TRPM3: variants seen among roughly 807,000 people sequenced by gnomAD.
TRPM3 encodes long transient receptor potential channel 3.
In TRPM3, 77 loss-of-function variants were observed where a neutral mutation model predicts 181.2. The ratio of observed to expected loss-of-function variants is 0.42; its 90% CI spans 0.35 to 0.51. The LOEUF is 0.51. Ranked by LOEUF, TRPM3 falls within the 20% of genes least tolerant of loss-of-function variation. TRPM3 has a pLI of 0.01. For synonymous variants in TRPM3, 745 were observed against 796.4 expected (o/e 0.94, Z 1.09); for missense variants, 1,759 against 2,196.7 (o/e 0.80, Z 3.98).
At chr9:70,821,473 C>T (rs1588841809) in intron 6 of TRPM3, among the ~76,000 whole-genome samples, 1 of 152,138 alleles carries the variant, frequency 6.6e-6, no homozygotes. Context: ...GGAGTAGTCC[C>T]TTGGTATCCA....
At chr9:71,273,542 G>T (rs1370002965) in intron 1 of TRPM3, among the ~76,000 whole-genome samples, 1 of 152,082 alleles carries the variant, frequency 6.6e-6, no homozygotes. Flanking sequence ...ATTTTTCCTT[G>T]TTAAGGTTGT....
At chr9:71,362,403 A>G (rs2092186498) in intron 1 of TRPM3, among the ~76,000 whole-genome samples, 1 of 152,152 alleles carries the variant, frequency 6.6e-6, no homozygotes, top group Non-Finnish European at 1.5e-5. Flanking sequence ...GAATAGCAAG[A>G]AGGGTGTTGG....
At chr9:71,043,245 A>C (rs747765747) in intron 1 of TRPM3, among the ~76,000 whole-genome samples, 5 of 151,938 alleles carry the variant, frequency 3.3e-5, no homozygotes, top group Non-Finnish European at 7.4e-5. Context: ...CTATATTCCA[A>C]CTCTGGTAGT....
At chr9:71,028,942 A>G (rs1318709232) in intron 1 of TRPM3, among the ~76,000 whole-genome samples, 1 of 152,228 alleles carries the variant, frequency 6.6e-6, no homozygotes, top group South Asian at 2.1e-4. Context: ...ATAGACACCT[A>G]CAGAACTCTC....
intron 1 of TRPM3, among the ~76,000 whole-genome samples, chr9:71,044,632 G>A (rs2059211309): frequency 6.6e-6 from 1 of 152,142 alleles, no homozygotes; most frequent in African/African-American, 2.4e-5. Flanking sequence ...CATTTAAGAT[G>A]ATCTATTATC....
chr9:71,407,476 T>C (rs2093459584), intron 1 of TRPM3, among the ~76,000 whole-genome samples: 2 of 152,240 alleles, frequency 1.3e-5, no homozygotes, highest in African/African-American at 2.4e-5. Flanking sequence ...TGCTCACTGC[T>C]AGCACAGCAG....
intron 1 of TRPM3, among the ~76,000 whole-genome samples, chr9:70,871,768 G>A (rs1272551640): frequency 6.6e-6 from 1 of 152,020 alleles, no homozygotes; most frequent in Non-Finnish European, 1.5e-5. Flanking sequence ...TAGAGTGAAT[G>A]TAATTTGAAT....
intron 1 of TRPM3, among the ~76,000 whole-genome samples, chr9:70,980,271 C>A (rs1184380203): frequency 6.6e-6 from 1 of 151,778 alleles, no homozygotes; most frequent in Non-Finnish European, 1.5e-5. Context: ...ATTGGGATTT[C>A]CAGAGATCTT....
At chr9:70,938,102 C>T (rs1244051013) in intron 1 of TRPM3, among the ~76,000 whole-genome samples, 1 of 152,146 alleles carries the variant, frequency 6.6e-6, no homozygotes, top group African/African-American at 2.4e-5. Context: ...GTCTGTATCA[C>T]TATTACTGTG....
chr9:71,157,717 TAG>T (rs2076076404), intron 1 of TRPM3, among the ~76,000 whole-genome samples: 1 of 152,140 alleles, frequency 6.6e-6, no homozygotes, highest in African/African-American at 2.4e-5. Flanking sequence ...ACAAAAACTA[TAG>T]AGTTTTAATG....
At chr9:70,551,785 C>A (rs576875915) in intron 24 of TRPM3, among the ~76,000 whole-genome samples, 1 of 152,136 alleles carries the variant, frequency 6.6e-6, no homozygotes, top group African/African-American at 2.4e-5. Context: ...GTTCCTGAGT[C>A]GAGAAGCTTA....
At chr9:70,562,499 TG>T (rs2049360649) in intron 22 of TRPM3, among the ~76,000 whole-genome samples, 1 of 152,178 alleles carries the variant, frequency 6.6e-6, no homozygotes, top group Admixed American at 6.5e-5. Flanking sequence ...CTATCTGCTA[TG>T]TGCACACAGT....
intron 4 of TRPM3, among the ~76,000 whole-genome samples, chr9:70,844,240 G>T (rs959805487): frequency 1.3e-5 from 2 of 152,136 alleles, no homozygotes; most frequent in Non-Finnish European, 2.9e-5. Flanking sequence ...CATGGGAAAA[G>T]ACATGTGTAT....
intron 1 of TRPM3, among the ~76,000 whole-genome samples, chr9:71,192,052 T>C (rs2078063845): frequency 6.6e-6 from 1 of 151,858 alleles, no homozygotes; most frequent in Admixed American, 6.6e-5. Context: ...TCATATACAG[T>C]AACCTTTACG....
chr9:71,027,037 T>A (rs1257428476), intron 1 of TRPM3, among the ~76,000 whole-genome samples: 5 of 152,046 alleles, frequency 3.3e-5, no homozygotes, highest in African/African-American at 7.2e-5. Context: ...CACCACCCTA[T>A]GAAGTACTTT....
chr9:70,575,253 G>A (rs1451806765), intron 22 of TRPM3, among the ~76,000 whole-genome samples: 1 of 152,010 alleles, frequency 6.6e-6, no homozygotes, highest in Non-Finnish European at 1.5e-5. Flanking sequence ...GGTATTTGAA[G>A]TAGTGAAGGC....
intron 8 of TRPM3, among the ~76,000 whole-genome samples, chr9:70,748,622 G>C (rs2075597896): frequency 6.6e-6 from 1 of 152,068 alleles, no homozygotes; most frequent in Admixed American, 6.6e-5. Flanking sequence ...TACGAAAAAG[G>C]CCTGAGGAAG....
At chr9:70,648,694 C>G (rs1458973627) in intron 9 of TRPM3, among the ~76,000 whole-genome samples, 8 of 151,528 alleles carry the variant, frequency 5.3e-5, no homozygotes, top group Non-Finnish European at 1.2e-4. Flanking sequence ...AAGCCACATA[C>G]CTACAGGAAT....
At chr9:71,163,918 T>G (rs1314225710) in intron 1 of TRPM3, among the ~76,000 whole-genome samples, 2 of 152,164 alleles carry the variant, frequency 1.3e-5, no homozygotes, top group Admixed American at 1.3e-4. Flanking sequence ...AAGATAGAAG[T>G]GTAGCCACTG....
Sources: gnomAD v4.1 joint callset for allele counts (sites outside exome capture counted in the v4.1 genomes callset) on GRCh38, gnomAD v4.1.1 for gene constraint, MANE v1.5 for transcripts, NCBI Gene and HGNC (gene_info 2026-07-23, HGNC 2026-07-21) for gene names.